Variants in ZNF367 observed in about 807,000 individuals in gnomAD.
The protein encoded by ZNF367 is C2H2 zinc finger protein ZFF29.
In ZNF367, 11 loss-of-function variants were observed where a neutral mutation model predicts 31.8. That is an observed-to-expected ratio of 0.35 (90% CI 0.22 to 0.57). ZNF367 has a LOEUF of 0.57. Ranked by LOEUF, ZNF367 falls within the 20% of genes least tolerant of loss-of-function variation. The probability of loss-of-function intolerance (pLI) is 0.85; values close to 1 mark genes in which losing one functional copy is unlikely to be tolerated. For synonymous variants in ZNF367, 199 were observed against 202.4 expected, an observed-to-expected ratio of 0.98 and a Z score of 0.14; for missense variants, 353 against 484.1, an observed-to-expected ratio of 0.73 and a Z score of 2.54.
At chr9:96,399,307 T>TGG (rs1831571261) in intron 1 of ZNF367, among the ~76,000 whole-genome samples, 1 of 151,994 alleles carries the variant, frequency 6.6e-6, no homozygotes, top group East Asian at 1.9e-4. Flanking sequence ...TGGGAGAAGG[T>TGG]GGTTGTCCTC....
chr9:96,407,786 T>C, intron 1 of ZNF367: 6 of 1,317,720 alleles, frequency 4.6e-6, no homozygotes, highest in Non-Finnish European at 6.3e-6. Flanking sequence ...TATGAAAGAT[T>C]CATCAGGCCA....
In ZNF367 at chr9:96,386,327, C is replaced by A. The variant is rs1348371008; in HGVS notation, c.*1910G>T. ...TTAAATGTTATCATCTGTGAATTGG[C>A]AAATATTTGTATTTGAAAAATTCTT... On this transcript the variant is annotated 3_prime_UTR_variant, in exon 5 of 5. Coordinates refer to ENST00000375256, the MANE Select transcript of ZNF367 (RefSeq NM_153695.4). The A allele has an allele frequency of 6.6e-6, 1 of 152,114 alleles. No individual in the cohort carries two copies. Among genetic ancestry groups the A allele is most frequent in the African/African-American group, 2.4e-5 (1 of 41,424 alleles). The allele number at this position is 152,114 out of a possible 1,614,324, so 9.4% of individuals were successfully genotyped here.
chr9:96,413,652 C>T (rs760883436), intron 1 of ZNF367, among the ~76,000 whole-genome samples: 3 of 152,142 alleles, frequency 2.0e-5, no homozygotes, highest in African/African-American at 4.8e-5. Flanking sequence ...CTGCTTTCTT[C>T]CCTCTCAGAA....
intron 1 of ZNF367, among the ~76,000 whole-genome samples, chr9:96,402,972 A>C: frequency 6.9e-6 from 1 of 145,592 alleles, no homozygotes. Flanking sequence ...ATTAAACAAC[A>C]CACTTTTTTT....
chr9:96,402,444 CTT>C (rs1174997133), intron 1 of ZNF367, among the ~76,000 whole-genome samples: 697 of 66,074 alleles, frequency 0.011, 2 homozygotes, highest in African/African-American at 0.042. Context: ...TTCTTTCTTT[CTT>C]TTTTTTTTTT....
At position 96,417,913 on chromosome 9, in the gene ZNF367, G is replaced by C. The variant is rs1196480227; in HGVS notation, c.120C>G (p.Ile40Met). 1 of 1,531,100 alleles carries C rather than the reference G, an allele frequency of 6.5e-7. No individual in the cohort carries two copies. The highest frequency in any genetic ancestry group is 1.2e-5 in the South Asian group (1 of 83,306). The allele number at this position is 1,531,100 out of a possible 1,614,324, so 94.8% of individuals were successfully genotyped here. ...CCCCTCCACCGCCGCACGTTGGCTT[G>C]ATCGGGGTCGTCCTGATGACCGACA... ...VLVSVIRTTP[I>M]KPTCGGGGEP... The change falls in exon 1 of 5, where the codon ATC (isoleucine) becomes ATG (methionine). Residue 40 changes from isoleucine to methionine, a missense_variant. This residue lies in a region of ZNF367 where 94 missense variants were observed against 86.7 expected (regional missense o/e 1.08). Coordinates refer to ENST00000375256, the MANE Select transcript of ZNF367 (RefSeq NM_153695.4). The surrounding 1 kb of genome is among the most constrained non-coding windows in gnomAD (Gnocchi z 5.0).
intron 1 of ZNF367, among the ~76,000 whole-genome samples, chr9:96,411,646 TAAAA>T (rs371155227): frequency 6.0e-5 from 9 of 149,102 alleles, no homozygotes; most frequent in Admixed American, 6.0e-4. Context: ...TTAGTTAACA[TAAAA>T]AAAAAAGTTA....
intron 1 of ZNF367, among the ~76,000 whole-genome samples, chr9:96,402,619 A>ATTTTTTT (rs61651699): frequency 2.8e-5 from 2 of 70,200 alleles, no homozygotes; most frequent in African/African-American, 6.5e-5. Context: ...CGCCTGGCTA[A>ATTTTTTT]TTTTTTTTTT....
At chr9:96,393,312 T>C (rs980456533) in intron 3 of ZNF367, among the ~76,000 whole-genome samples, 1 of 151,628 alleles carries the variant, frequency 6.6e-6, no homozygotes, top group Non-Finnish European at 1.5e-5. Flanking sequence ...TCACCTGAGG[T>C]CAGCAGTTCA....
chr9:96,388,335 C>T lies in ZNF367; in HGVS notation c.955G>A (p.Gly319Arg), dbSNP rs1831429320. The stretch of plus-strand genomic sequence containing the variant: ...TGCTCCTGCAGCCGGCGCTGGGCCC[C>T]TCTCTTCTCGTCGTCCTCTTCATCA... Reference protein sequence around the residue: ...QSDEEDDEKRGAQRRLQEQRE... With the variant: ...QSDEEDDEKRRAQRRLQEQRE... Residue 319 changes from glycine (G) to arginine (R), a missense_variant, in exon 5 of 5, where the codon GGG (glycine) becomes AGG (arginine). Gly to Arg is a moderately radical substitution (Grantham distance 125). Around this residue, in one of 5 missense-constraint regions of ZNF367, gnomAD observed 101 missense variants for 140.0 expected, o/e 0.72. Transcript: ENST00000375256. 2 of 1,612,892 alleles carry T rather than the reference C, an allele frequency of 1.2e-6. 1 individual carries two copies. Among genetic ancestry groups the T allele is most frequent in the East Asian group, 4.5e-5 (2 of 44,886 alleles).
chr9:96,388,334 C>A lies in ZNF367; in HGVS notation c.956G>T (p.Gly319Val). 6.2e-7 allele frequency: 1 copy of A among 1,612,840 alleles called. No homozygotes were observed. The highest frequency in any genetic ancestry group is 1.3e-5 in the African/African-American group (1 of 75,012). ...QSDEEDDEKR[G>V]AQRRLQEQRE... ...CTGCTCCTGCAGCCGGCGCTGGGCC[C>A]CTCTCTTCTCGTCGTCCTCTTCATC... is the stretch of plus-strand genomic sequence containing the variant. The change falls in exon 5 of 5, where the codon GGG becomes GTG. Residue 319 changes from glycine to valine, a missense_variant. This residue lies in a region of ZNF367 where 101 missense variants were observed against 140.0 expected (regional missense o/e 0.72). Transcript: ENST00000375256.
intron 4 of ZNF367, among the ~76,000 whole-genome samples, chr9:96,388,947 G>A (rs991905129): frequency 6.6e-6 from 1 of 152,202 alleles, no homozygotes; most frequent in Non-Finnish European, 1.5e-5. Context: ...TCTGTTACAT[G>A]GCCAACTGAT....
chr9:96,413,546 C>A (rs1031869345), intron 1 of ZNF367, among the ~76,000 whole-genome samples: 2 of 152,090 alleles, frequency 1.3e-5, no homozygotes, highest in African/African-American at 4.8e-5. Flanking sequence ...ACCCCACCAG[C>A]CCCAGTGAAG....
At chr9:96,388,964 CA>C (rs1831437345) in intron 4 of ZNF367, among the ~76,000 whole-genome samples, 1 of 152,142 alleles carries the variant, frequency 6.6e-6, no homozygotes. Context: ...TGATAATTTA[CA>C]AGAGAAAATG....
At chr9:96,401,445 G>A (rs1362905193) in intron 1 of ZNF367, among the ~76,000 whole-genome samples, 1 of 152,128 alleles carries the variant, frequency 6.6e-6, no homozygotes, top group Non-Finnish European at 1.5e-5. Context: ...CAGATCACCT[G>A]AGGTCAAGAG....
Position 96,417,838 on chromosome 9 carries a change from G to A in ZNF367, c.195C>T (p.Asp65=), listed in dbSNP as rs368091765. The A allele has an allele frequency of 1.4e-5, 21 of 1,492,540 alleles. No individual in the cohort carries two copies. In the South Asian group the frequency reaches 2.4e-4, roughly 17 times the overall value. 92.5% of individuals were successfully genotyped at this position (1,492,540 alleles called of 1,614,324 possible). ...CCCAGCGCCACGGGTACACCATGAA[G>A]TCGCTGAAGCCGGGGCTGGTGGGGA... ...PLIPTSPGFS[D]FMVYPWRWGE... Residue 65 remains aspartate (D), a synonymous_variant, in exon 1 of 5, where the codon GAC becomes GAT. Transcript: ENST00000375256. The surrounding 1 kb of genome is among the most constrained non-coding windows in gnomAD (Gnocchi z 5.0).
chr9:96,407,514 G>C, intron 1 of ZNF367: 1 of 1,279,200 alleles, frequency 7.8e-7, no homozygotes. Flanking sequence ...CCAAACAAAA[G>C]AATGATGAAA....
In ZNF367 at chr9:96,417,675, CGG is replaced by C; in HGVS notation, c.356_357del (p.Ser119CysfsTer7). 9.2e-7 allele frequency: 1 copy of C among 1,082,890 alleles called. No homozygotes were observed. The highest frequency in any genetic ancestry group is 1.2e-6 in the Non-Finnish European group (1 of 860,762). 67.1% of individuals were successfully genotyped at this position (1,082,890 alleles called of 1,614,324 possible). A position where few individuals can be genotyped will look rare whatever the true frequency, so the allele number is the denominator to read the frequency against. The stretch of plus-strand genomic sequence containing the variant: ...TCGTCCTCACCTCCCGAGGCGGCGG[CGG>C]AGGCCGAGGCGGCGGGCGGGGGCGC... The part of the protein sequence containing the change: ...RGAPPPAASA[S>X]AAASGGEDEE... On this transcript the variant is annotated frameshift_variant, in exon 1 of 5. Transcript: ENST00000375256. LOFTEE classifies it high-confidence loss of function. This position sits in a 1 kb window ranked among gnomAD's most constrained non-coding sequence, Gnocchi z 5.0.
chr9:96,397,754 TA>T (rs1255772483), intron 2 of ZNF367, among the ~76,000 whole-genome samples: 1 of 152,212 alleles, frequency 6.6e-6, no homozygotes, highest in South Asian at 2.1e-4. Flanking sequence ...ATAAAGCAAC[TA>T]AAAAGTTAAT....
Sources: allele counts gnomAD v4.1 joint callset (sites outside exome capture counted in the v4.1 genomes callset), GRCh38; gene constraint gnomAD v4.1.1; regional missense constraint gnomAD v4.1.1; non-coding constraint Gnocchi (gnomAD v3.1); transcripts MANE v1.5; gene names NCBI Gene and HGNC (gene_info 2026-07-23, HGNC 2026-07-21).